Variants in TMEM266 observed in about 807,000 individuals in gnomAD.
TMEM266 encodes transmembrane protein 266.
Under a neutral mutation model 50.5 loss-of-function variants are expected in TMEM266, and 33 were observed. The ratio of observed to expected loss-of-function variants is 0.65; its 90% confidence interval spans 0.50 to 0.87. The LOEUF (loss-of-function observed/expected upper bound fraction) is 0.87, where lower values mean the gene tolerates loss of function less well. Among genes scored for constraint, TMEM266 ranks in the 40% least tolerant of loss-of-function variants. The pLI, the probability that TMEM266 is intolerant of heterozygous loss-of-function variation, is 0.00. For missense variants in TMEM266, 655 were observed against 695.1 expected (o/e 0.94, Z 0.65); for synonymous variants, 310 against 292.3 (o/e 1.06, Z -0.62).
rs1213547282 is a variant in TMEM266 at position 76,137,841 on chromosome 15, C to G, written c.173C>G (p.Ser58Cys). ...DLSTAGSQLL[S>C]NLDEDYQREG... ...TTGCCCCTGGCTGCTGTCGATCTCT[C>G]CACGGCGGGCTCGCAGCTCCTGTCA... is the stretch of plus-strand genomic sequence containing the variant. The change falls in exon 3 of 11, where the codon TCC becomes TGC. Residue 58 changes from serine to cysteine, a missense_variant. Coordinates refer to ENST00000388942, the MANE Select transcript of TMEM266 (RefSeq NM_152335.3). The G allele has an allele frequency of 6.2e-7, 1 of 1,608,824 alleles. No individual in the cohort carries two copies. The highest frequency in any genetic ancestry group is 1.7e-5 in the Admixed American group (1 of 59,078).
At chr15:76,130,123 G>A (rs1488637963) in intron 1 of TMEM266, among the ~76,000 whole-genome samples, 1 of 149,556 alleles carries the variant, frequency 6.7e-6, no homozygotes, top group Non-Finnish European at 1.5e-5. Flanking sequence ...GGGGGCTGAT[G>A]GTGGGGGGAT....
At chr15:76,141,845 C>T (rs559153015) in intron 3 of TMEM266, among the ~76,000 whole-genome samples, 7 of 152,308 alleles carry the variant, frequency 4.6e-5, no homozygotes, top group Non-Finnish European at 1.0e-4. Context: ...CAGTATTTGT[C>T]CTTTTATAAC....
chr15:76,172,473 A>C (rs905499939), intron 7 of TMEM266, among the ~76,000 whole-genome samples: 2 of 152,248 alleles, frequency 1.3e-5, no homozygotes, highest in African/African-American at 2.4e-5. Flanking sequence ...GGTGCAAGGC[A>C]GAAGCTGTCA....
chr15:76,183,573 A>G (rs1010769465), intron 8 of TMEM266, among the ~76,000 whole-genome samples: 2 of 152,176 alleles, frequency 1.3e-5, no homozygotes, highest in East Asian at 1.9e-4. Context: ...CACAGTACCA[A>G]CTAGGGGCAC....
rs564221346 is a variant in TMEM266 at position 76,191,929 on chromosome 15, C to G, written c.769-39C>G. The G allele has an allele frequency of 6.0e-5, 92 of 1,529,102 alleles. 1 individual carries two copies. In the South Asian group the frequency reaches 1.1e-3, roughly 18 times the overall value. The allele number at this position is 1,529,102 out of a possible 1,614,324, so 94.7% of individuals were successfully genotyped here. ...GTCAGGCTGGAGGCCCCCGCCGGCC[C>G]CTCGCCGCTGATTCAGCCTTGCCCG... is the stretch of plus-strand genomic sequence containing the variant. On this transcript the variant is annotated intron_variant, in intron 8 of 10. Coordinates refer to ENST00000388942, the MANE Select transcript of TMEM266 (RefSeq NM_152335.3).
chr15:76,082,763 G>C (rs1057085456), intron 1 of TMEM266, among the ~76,000 whole-genome samples: 2 of 152,136 alleles, frequency 1.3e-5, no homozygotes, highest in Admixed American at 6.5e-5. Flanking sequence ...GAGGTCAGGA[G>C]TTCGAGACCA....
chr15:76,083,987 G>T (rs887099482), intron 1 of TMEM266, among the ~76,000 whole-genome samples: 4 of 152,110 alleles, frequency 2.6e-5, no homozygotes, highest in African/African-American at 4.8e-5. Flanking sequence ...ACTTGGGGTG[G>T]GGGGTGATGT....
At chr15:76,117,282 A>C (rs1256580257) in intron 1 of TMEM266, among the ~76,000 whole-genome samples, 3 of 151,942 alleles carry the variant, frequency 2.0e-5, no homozygotes, top group South Asian at 4.2e-4. Flanking sequence ...TATTAAATCG[A>C]CTTTTTACCT....
intron 4 of TMEM266, among the ~76,000 whole-genome samples, chr15:76,159,231 A>T (rs1383752205): frequency 6.6e-6 from 1 of 152,092 alleles, no homozygotes; most frequent in African/African-American, 2.4e-5. Context: ...ATCAGAGCTC[A>T]CCTGACCCTT....
intron 3 of TMEM266, among the ~76,000 whole-genome samples, chr15:76,141,506 T>C (rs1452590811): frequency 2.0e-5 from 3 of 152,190 alleles, no homozygotes; most frequent in Non-Finnish European, 4.4e-5. Flanking sequence ...CCTAAAGTGT[T>C]GGGATTACAG....
chr15:76,137,068 G>A lies in TMEM266; in HGVS notation c.39-639G>A, dbSNP rs183076379. Reference sequence around the variant, plus strand: ...CCCTCAGACATTGGATCAAGTGACTGCCATCCCCTATTCCCAACCTTAAGA... The same window carrying A: ...CCCTCAGACATTGGATCAAGTGACTACCATCCCCTATTCCCAACCTTAAGA... On this transcript the variant is annotated intron_variant, in intron 2 of 10. Transcript: ENST00000388942. 6.6e-5 allele frequency among the ~76,000 whole-genome samples: 10 copies of A among 152,224 alleles called. No homozygotes were observed. The East Asian group carries it at 1.9e-3, about 29-fold the overall frequency.
At chr15:76,064,422 A>G (rs951226346) in intron 1 of TMEM266, among the ~76,000 whole-genome samples, 15 of 152,200 alleles carry the variant, frequency 9.9e-5, no homozygotes, top group Non-Finnish European at 1.5e-4. Flanking sequence ...TGTTTGCAGT[A>G]GTTCTTGGGC....
chr15:76,076,262 C>A (rs1057294170), intron 1 of TMEM266, among the ~76,000 whole-genome samples: 1 of 151,980 alleles, frequency 6.6e-6, no homozygotes, highest in African/African-American at 2.4e-5. Context: ...TTTCTAGTTA[C>A]CAGTTATATA....
At chr15:76,196,630 C>CACAGACAATCCAGGGATTAACCT (rs1364465397) in intron 9 of TMEM266, among the ~76,000 whole-genome samples, 1 of 151,944 alleles carries the variant, frequency 6.6e-6, no homozygotes, top group Non-Finnish European at 1.5e-5. Flanking sequence ...ATGCACAGGA[C>CACAGACAATCCAGGGATTAACCT]ACAGACAATC....
chr15:76,076,887 A>G lies in TMEM266; in HGVS notation c.-97+16871A>G, dbSNP rs575452364. ...CATTGCCAGAAGTAATTCCTTTTCA[A>G]CCACGCACACATGAAATCCAGTCAT... is the stretch of plus-strand genomic sequence containing the variant. On this transcript the variant is annotated intron_variant, in intron 1 of 10. Transcript: ENST00000388942. Among the ~76,000 whole-genome samples, 56 of 152,246 alleles carry G rather than the reference A, an allele frequency of 3.7e-4. 2 individuals carry two copies. The highest frequency in any genetic ancestry group is 1.2e-3 in the African/African-American group (48 of 41,484).
At chr15:76,103,487 C>T (rs936952893) in intron 1 of TMEM266, among the ~76,000 whole-genome samples, 2 of 152,008 alleles carry the variant, frequency 1.3e-5, no homozygotes, top group Admixed American at 6.6e-5. Flanking sequence ...TTGGCCTGAG[C>T]AACTGGAAGG....
At chr15:76,165,450 T>G (rs1225095394) in intron 5 of TMEM266, among the ~76,000 whole-genome samples, 2 of 152,212 alleles carry the variant, frequency 1.3e-5, no homozygotes, top group Non-Finnish European at 2.9e-5. Flanking sequence ...CCTACACTGC[T>G]TATCAGAGCA....
intron 8 of TMEM266, chr15:76,191,455 C>T (rs2038566456): frequency 6.6e-6 from 1 of 152,438 alleles, no homozygotes; most frequent in Non-Finnish European, 1.5e-5. Context: ...TCGGTCTGGT[C>T]CTGGGTGCCT....
chr15:76,195,808 T>C (rs1299039346), intron 9 of TMEM266, among the ~76,000 whole-genome samples: 4 of 152,248 alleles, frequency 2.6e-5, no homozygotes, highest in Non-Finnish European at 4.4e-5. Context: ...TATAAGACCC[T>C]GAACGCCAGA....
Sources: gnomAD v4.1 joint callset for allele counts (sites outside exome capture counted in the v4.1 genomes callset) on GRCh38, gnomAD v4.1.1 for gene constraint, MANE v1.5 for transcripts, NCBI Gene and HGNC (gene_info 2026-07-23, HGNC 2026-07-21) for gene names.